MORC1: variants seen among roughly 807,000 people sequenced by gnomAD.
MORC1 encodes MORC family CW-type zinc finger 1.
A neutral mutation model predicts 134.9 loss-of-function variants in MORC1; 59 were observed. The observed-to-expected ratio is 0.44, with a 90% CI of 0.35 to 0.54. The LOEUF is 0.54. Ranked by LOEUF, MORC1 falls within the 20% of genes least tolerant of loss-of-function variation. The pLI, the probability that MORC1 is intolerant of heterozygous loss-of-function variation, is 0.00. For synonymous variants in MORC1, 395 were observed against 391.7 expected (o/e 1.01, Z -0.10); for missense variants, 947 against 1,134.5 (o/e 0.83, Z 2.37).
At chr3:109,097,409 C>A (rs529917634) in intron 6 of MORC1, among the ~76,000 whole-genome samples, 2 of 152,166 alleles carry the variant, frequency 1.3e-5, no homozygotes, top group African/African-American at 4.8e-5. Flanking sequence ...ATATTTTGCC[C>A]CCTATGTTCC....
At chr3:109,065,557 T>C (rs2107694796) in intron 9 of MORC1, among the ~76,000 whole-genome samples, 1 of 152,348 alleles carries the variant, frequency 6.6e-6, no homozygotes, top group Non-Finnish European at 1.5e-5. Flanking sequence ...GGTCTGTCAC[T>C]TTTAAAGATG....
At chr3:109,055,730 G>A (rs912528244) in intron 13 of MORC1, among the ~76,000 whole-genome samples, 8 of 152,280 alleles carry the variant, frequency 5.3e-5, no homozygotes, top group Middle Eastern at 3.4e-3. Context: ...AATATGGTGA[G>A]AACCAGAAAT....
chr3:109,037,603 C>G (rs1286068872), intron 14 of MORC1, among the ~76,000 whole-genome samples: 2 of 152,286 alleles, frequency 1.3e-5, no homozygotes, highest in African/African-American at 2.4e-5. Context: ...CTCCCCCACC[C>G]CCTGACAGGC....
intron 8 of MORC1, among the ~76,000 whole-genome samples, chr3:109,074,206 T>C (rs964879959): frequency 6.6e-6 from 1 of 152,226 alleles, no homozygotes; most frequent in Non-Finnish European, 1.5e-5. Flanking sequence ...TGGGTTTTTC[T>C]AGCTGCCTGA....
At chr3:108,994,675 G>A (rs1410052968) in intron 21 of MORC1, among the ~76,000 whole-genome samples, 1 of 151,940 alleles carries the variant, frequency 6.6e-6, no homozygotes, top group Non-Finnish European at 1.5e-5. Flanking sequence ...GCATGTACAT[G>A]CCTTTTTTTA....
intron 8 of MORC1, among the ~76,000 whole-genome samples, chr3:109,090,417 A>C (rs2107755255): frequency 6.6e-6 from 1 of 152,168 alleles, no homozygotes; most frequent in Middle Eastern, 3.4e-3. Flanking sequence ...TAGGAGTTCA[A>C]GACCAGCCTA....
intron 26 of MORC1, among the ~76,000 whole-genome samples, chr3:108,967,687 G>C (rs965232232): frequency 6.6e-6 from 1 of 152,114 alleles, no homozygotes; most frequent in African/African-American, 2.4e-5. Context: ...ATTCAAGTCT[G>C]GATGAGACTA....
chr3:109,069,588 A>C (rs1403329840), intron 9 of MORC1, 44 bp downstream of exon 9: 1 of 1,504,042 alleles, frequency 6.6e-7, no homozygotes, highest in East Asian at 2.3e-5. Context: ...TATCAATTTT[A>C]TAAATAAAAA....
chr3:109,042,579 A>G (rs1423079989), intron 14 of MORC1, among the ~76,000 whole-genome samples: 2 of 152,220 alleles, frequency 1.3e-5, no homozygotes, highest in Non-Finnish European at 2.9e-5. Flanking sequence ...CCTCTTCTGT[A>G]TATTTATCCA....
intron 14 of MORC1, among the ~76,000 whole-genome samples, chr3:109,043,322 C>T (rs1399586177): frequency 6.6e-6 from 1 of 151,832 alleles, no homozygotes; most frequent in Non-Finnish European, 1.5e-5. Context: ...AGGATAAATA[C>T]TGTATTGTTC....
At chr3:109,063,494 A>T (rs771938263) in intron 9 of MORC1, among the ~76,000 whole-genome samples, 1 of 152,128 alleles carries the variant, frequency 6.6e-6, no homozygotes, top group Non-Finnish European at 1.5e-5. Flanking sequence ...TCACTTAGAC[A>T]TCTAAAATAG....
chr3:109,020,421 G>C (rs906283341), intron 17 of MORC1, among the ~76,000 whole-genome samples: 12 of 152,154 alleles, frequency 7.9e-5, no homozygotes, highest in Non-Finnish European at 1.6e-4. Context: ...GGTGGGGGAA[G>C]ACTAACTGAA....
rs139829447 is a variant in MORC1 at position 109,116,062 on chromosome 3, C to T, written c.66-1625G>A. On this transcript the variant is annotated intron_variant, in intron 1 of 27. Transcript: ENST00000232603. ...AAGAGCTAAGGAGACCAGTGAGCTC[C>T]GCTTATGGTAAAATGGGGAGAACAG... is the stretch of plus-strand genomic sequence containing the variant. 3.1e-3 allele frequency among the ~76,000 whole-genome samples: 478 copies of T among 152,184 alleles called. 3 individuals carry two copies. The highest frequency in any genetic ancestry group is 0.016 in the East Asian group (82 of 5,182).
chr3:109,115,739 G>A (rs920156264), intron 1 of MORC1, among the ~76,000 whole-genome samples: 1 of 152,210 alleles, frequency 6.6e-6, no homozygotes, highest in Non-Finnish European at 1.5e-5. Flanking sequence ...TGCCTACCAT[G>A]TGCCAATGTG....
chr3:109,043,574 T>G (rs1949612623), intron 14 of MORC1, among the ~76,000 whole-genome samples: 1 of 152,118 alleles, frequency 6.6e-6, no homozygotes, highest in Admixed American at 6.6e-5. Flanking sequence ...TCATGTTATA[T>G]GTATTTCATC....
rs57870770 is a variant in MORC1, at chr3:109,073,439, C to T, written c.690-3682G>A. The stretch of plus-strand genomic sequence containing the variant: ...TGATTGGACACCACTGCCTACCTGA[C>T]CTAGTGGACAGGGTAGTATGTAAGG... On this transcript the variant is annotated intron_variant, in intron 8 of 27. Coordinates refer to ENST00000232603, the MANE Select transcript of MORC1 (RefSeq NM_014429.4). Among the ~76,000 whole-genome samples the T allele has an allele frequency of 7.5e-3, 1,139 of 152,108 alleles. 8 individuals are homozygous for T. Among genetic ancestry groups the T allele is most frequent in the African/African-American group, 0.017 (685 of 41,514 alleles).
At chr3:108,971,544 T>A (rs1280931533) in intron 24 of MORC1, 142 bp from the exon 25 acceptor site, 3 of 669,588 alleles carry the variant, frequency 4.5e-6, no homozygotes, top group Non-Finnish European at 7.6e-6. Flanking sequence ...TTTGTTTTTA[T>A]CACTGACATC....
At chr3:109,072,934 A>AACAC (rs58749136) in intron 8 of MORC1, among the ~76,000 whole-genome samples, 3,966 of 144,736 alleles carry the variant, frequency 0.027, 97 homozygotes, top group Middle Eastern at 0.078. Flanking sequence ...AATCTCCCTC[A>AACAC]ACACACACAC....
At chr3:109,094,864 AAAAC>A (rs1363038286) in intron 7 of MORC1, 41 bp downstream of exon 7, 1 of 1,507,034 alleles carries the variant, frequency 6.6e-7, no homozygotes, top group African/African-American at 1.4e-5. Flanking sequence ...TAAGACACTG[AAAAC>A]AAATACTTCC....
Sources: allele counts gnomAD v4.1 joint callset (sites outside exome capture counted in the v4.1 genomes callset), GRCh38; gene constraint gnomAD v4.1.1; transcripts MANE v1.5; gene names NCBI Gene and HGNC (gene_info 2026-07-23, HGNC 2026-07-21).